Variants in CTXN2 observed in about 807,000 individuals in gnomAD.
CTXN2 encodes the protein cortexin-2.
In CTXN2, 3 loss-of-function variants were observed where a neutral mutation model predicts 5.7. That is an observed-to-expected ratio of 0.53 (90% CI 0.24 to 1.36). The LOEUF is 1.36. Among genes scored for constraint, CTXN2 ranks in the 40% most tolerant of loss-of-function variants. The pLI is 0.17. For synonymous variants in CTXN2, 38 were observed against 36.4 expected, an observed-to-expected ratio of 1.04 and a Z score of -0.16; for missense variants, 87 against 93.0, an observed-to-expected ratio of 0.94 and a Z score of 0.26.
upstream of CTXN2, chr15:48,189,303 G>A (rs1334245685): frequency 6.6e-6 from 1 of 152,146 alleles, no homozygotes; most frequent in African/African-American, 2.4e-5. Flanking sequence ...GAAACAAGAA[G>A]CCTATTCTAC....
intron 1 of CTXN2, among the ~76,000 whole-genome samples, chr15:48,200,156 A>G (rs543180861): frequency 1.3e-5 from 2 of 152,298 alleles, no homozygotes; most frequent in South Asian, 2.1e-4. Context: ...TTTAATACAT[A>G]TAAGTCTTAA....
At chr15:48,189,673 T>C (rs2040795120), upstream of CTXN2, among the ~76,000 whole-genome samples, 1 of 152,230 alleles carries the variant, frequency 6.6e-6, no homozygotes, top group East Asian at 1.9e-4. Flanking sequence ...TGAACTAATT[T>C]TGAATAAATT....
intron 1 of CTXN2, among the ~76,000 whole-genome samples, chr15:48,195,286 A>C (rs2040866446): frequency 6.6e-6 from 1 of 151,970 alleles, no homozygotes; most frequent in Non-Finnish European, 1.5e-5. Flanking sequence ...ACTTTTCTAA[A>C]TATCTTTCCA....
At position 48,179,407 on chromosome 15, in the gene CTXN2, A is replaced by T. The variant is rs1054759656; in HGVS notation, c.-455+1007A>T. On this transcript the variant is annotated intron_variant, in intron 1 of 2. Transcript: ENST00000644354. ...AAATACCAAGTTCAGCTACTTCATC[A>T]CACACACACATACACACACACACAT... Among the ~76,000 whole-genome samples, 6 of 43,996 alleles carry T rather than the reference A, an allele frequency of 1.4e-4. No individual in the cohort carries two copies. The Non-Finnish European group carries it at 2.8e-3, about 20-fold the overall frequency. The allele number at this position is 43,996 out of a possible 152,430, so 28.9% of individuals were successfully genotyped here.
chr15:48,201,047 A>G (rs2040924243), intron 1 of CTXN2, among the ~76,000 whole-genome samples, 197 bp from the exon 2 acceptor site: 1 of 152,234 alleles, frequency 6.6e-6, no homozygotes, highest in African/African-American at 2.4e-5. Flanking sequence ...TGTGTCCGCA[A>G]AGGAAATTCT....
At position 48,201,323 on chromosome 15, in the gene CTXN2, A is replaced by C; in HGVS notation, c.23A>C (p.Asn8Thr). 1.3e-6 allele frequency: 2 copies of C among 1,551,278 alleles called. No homozygotes were observed. The highest frequency in any genetic ancestry group is 1.7e-6 in the Non-Finnish European group (2 of 1,146,686). Residue 8 changes from asparagine (N) to threonine (T), a missense_variant, in exon 2 of 2, where the codon AAC becomes ACC. Transcript: ENST00000417307. ...ATAATGAGTAGTACCTACTGTGGCA[A>C]CTCTTCAGCTAAGATGAGTGTCAAC... MSSTYCG[N>T]SSAKMSVNEV...
intron 1 of CTXN2, among the ~76,000 whole-genome samples, chr15:48,196,179 G>T (rs1311323817): frequency 6.6e-6 from 1 of 152,038 alleles, no homozygotes; most frequent in Non-Finnish European, 1.5e-5. Flanking sequence ...GCAGCTTACA[G>T]ATTTATTTTA....
chr15:48,185,384 G>T (rs2140970137), intron 1 of CTXN2, among the ~76,000 whole-genome samples: 1 of 152,248 alleles, frequency 6.6e-6, no homozygotes, highest in East Asian at 1.9e-4. Context: ...TGAGAAAAGG[G>T]ATGGGAGATA....
At chr15:48,178,444 C>T in intron 1 of CTXN2, 1 of 502,798 alleles carries the variant, frequency 2.0e-6, no homozygotes, top group East Asian at 3.7e-5. Flanking sequence ...GGGAGGGGAG[C>T]CATGGGAGCT....
chr15:48,195,925 T>C (rs2040875234), intron 1 of CTXN2, among the ~76,000 whole-genome samples: 1 of 152,164 alleles, frequency 6.6e-6, no homozygotes, highest in Admixed American at 6.5e-5. Flanking sequence ...TGTACATGGC[T>C]CTTCTCCCTT....
At chr15:48,183,945 T>G (rs1173338695) in intron 1 of CTXN2, among the ~76,000 whole-genome samples, 1 of 152,208 alleles carries the variant, frequency 6.6e-6, no homozygotes, top group Non-Finnish European at 1.5e-5. Flanking sequence ...AAATCAAACC[T>G]TATTCTTCCC....
rs113793040 is a variant in CTXN2 at position 48,179,671 on chromosome 15, C to T, written c.-455+1271C>T. The stretch of plus-strand genomic sequence containing the variant: ...CTACAATAAATAGGGATAGCAATAC[C>T]GACCTTACAGGATTGAGGTGAGGAT... On this transcript the variant is annotated intron_variant, in intron 1 of 2. Transcript: ENST00000644354. Among the ~76,000 whole-genome samples the T allele has an allele frequency of 4.5e-3, 678 of 152,172 alleles. 6 individuals carry two copies. Among genetic ancestry groups the T allele is most frequent in the African/African-American group, 0.016 (651 of 41,502 alleles).
chr15:48,183,754 C>G (rs2040721851), intron 1 of CTXN2, among the ~76,000 whole-genome samples: 2 of 152,160 alleles, frequency 1.3e-5, no homozygotes, highest in Admixed American at 1.3e-4. Flanking sequence ...TTGTGAGTTC[C>G]TTGCAATATC....
At chr15:48,186,730 T>C (rs757435416), upstream of CTXN2, among the ~76,000 whole-genome samples, 43 of 151,680 alleles carry the variant, frequency 2.8e-4, no homozygotes, top group Non-Finnish European at 4.7e-4. Flanking sequence ...GAAACCCTGA[T>C]TGTACTAAAA....
intron 1 of CTXN2, among the ~76,000 whole-genome samples, chr15:48,198,516 AG>A (rs1401225181): frequency 6.6e-6 from 1 of 152,180 alleles, no homozygotes; most frequent in Admixed American, 6.6e-5. Flanking sequence ...ATATCATCTA[AG>A]GCTCTAGGAA....
At chr15:48,180,657 G>C (rs1325468224) in intron 1 of CTXN2, among the ~76,000 whole-genome samples, 1 of 152,068 alleles carries the variant, frequency 6.6e-6, no homozygotes, top group African/African-American at 2.4e-5. Context: ...GACTACAGGC[G>C]CCCGCCAGCA....
At position 48,201,452 on chromosome 15, in the gene CTXN2, TC is replaced by T; in HGVS notation, c.154del (p.Leu52CysfsTer2). The T allele has an allele frequency of 6.4e-7, 1 of 1,551,368 alleles. No individual in the cohort carries two copies. ...LGLLIIRCFK[I>X]LLDPYSSMPS... ...CTTCTTATTATCCGATGCTTCAAAA[TC>T]CTGCTAGACCCATATAGTAGCATGC... On this transcript the variant is annotated frameshift_variant, in exon 2 of 2. Transcript: ENST00000417307. LOFTEE classifies it high-confidence loss of function.
upstream of CTXN2, among the ~76,000 whole-genome samples, chr15:48,190,714 G>A (rs1184065487): frequency 6.6e-6 from 1 of 152,146 alleles, no homozygotes; most frequent in Non-Finnish European, 1.5e-5. Context: ...ATCTAAAAGT[G>A]CTTGCAACTT....
At chr15:48,184,397 A>ACCCTG (rs1189714704) in intron 1 of CTXN2, among the ~76,000 whole-genome samples, 4 of 152,202 alleles carry the variant, frequency 2.6e-5, no homozygotes, top group Non-Finnish European at 2.9e-5. Flanking sequence ...ACATTCTACA[A>ACCCTG]AATCATACAT....
Sources: gnomAD v4.1 joint callset for allele counts (sites outside exome capture counted in the v4.1 genomes callset) on GRCh38, gnomAD v4.1.1 for gene constraint, MANE v1.5 for transcripts, NCBI Gene and HGNC (gene_info 2026-07-23, HGNC 2026-07-21) for gene names.